NUDCD3: variants seen among roughly 807,000 people sequenced by gnomAD.
The protein encoded by NUDCD3 is NudC domain containing 3, also known as nudC domain-containing protein 3.
In NUDCD3, 13 loss-of-function variants were observed where a neutral mutation model predicts 39.7. That is an observed-to-expected ratio of 0.33 (90% confidence interval 0.21 to 0.52). NUDCD3 has a LOEUF of 0.52. NUDCD3 is among the 20% of genes least tolerant of loss of function. The pLI, the probability that NUDCD3 is intolerant of heterozygous loss-of-function variation, is 0.96. For missense variants in NUDCD3, 453 were observed against 458.1 expected (o/e 0.99, Z 0.10); for synonymous variants, 175 against 172.4 (o/e 1.02, Z -0.12).
At chr7:44,442,841 G>A (rs1405912272) in intron 2 of NUDCD3, among the ~76,000 whole-genome samples, 3 of 151,804 alleles carry the variant, frequency 2.0e-5, no homozygotes, top group Admixed American at 6.6e-5. Context: ...GACTACAGGC[G>A]CCCACCACTG....
intron 2 of NUDCD3, among the ~76,000 whole-genome samples, chr7:44,448,389 G>C (rs1044598444): frequency 6.6e-6 from 1 of 152,198 alleles, no homozygotes; most frequent in Non-Finnish European, 1.5e-5. Flanking sequence ...GACCCAACTA[G>C]AGGCTTTCCA....
rs1304760225 is a variant in NUDCD3, at chr7:44,380,837, CA to C, written c.*5173del. The stretch of plus-strand genomic sequence containing the variant: ...CTTTCCCTGCTAGAGGGGCCTCCTC[CA>C]AACCCCACAGTGCCCCAACAACACT... On this transcript the variant is annotated 3_prime_UTR_variant, in exon 6 of 6. Coordinates refer to ENST00000355451, the MANE Select transcript of NUDCD3 (RefSeq NM_015332.4). 6.6e-6 allele frequency: 1 copy of C among 152,386 alleles called. No individual in the cohort carries two copies. Among genetic ancestry groups the C allele is most frequent in the East Asian group, 1.9e-4 (1 of 5,202 alleles). 9.4% of individuals were successfully genotyped at this position (152,386 alleles called of 1,614,324 possible).
chr7:44,456,387 GC>G (rs1175320265), intron 2 of NUDCD3, among the ~76,000 whole-genome samples: 1 of 152,156 alleles, frequency 6.6e-6, no homozygotes, highest in Non-Finnish European at 1.5e-5. Flanking sequence ...TAAAGGCCGA[GC>G]AAGTACCAGC....
At chr7:44,434,002 C>T (rs1799419159) in intron 2 of NUDCD3, among the ~76,000 whole-genome samples, 2 of 152,156 alleles carry the variant, frequency 1.3e-5, no homozygotes, top group South Asian at 2.1e-4. Context: ...GATGGAAATA[C>T]GGTGAATTTT....
rs1358828694 is a variant in NUDCD3, at chr7:44,385,474, CCACGTGAATG to C, written c.*527_*536del. The stretch of plus-strand genomic sequence containing the variant: ...ATTTATAAGGGGATGAGCAAGAAGA[CCACGTGAATG>C]CTCTCAAAAGAGGTCAAGGGGCAAG... On this transcript the variant is annotated 3_prime_UTR_variant, in exon 6 of 6. Transcript: ENST00000355451. 1.3e-5 allele frequency: 2 copies of C among 153,966 alleles called. No individual in the cohort carries two copies. Among genetic ancestry groups the C allele is most frequent in the Non-Finnish European group, 2.9e-5 (2 of 69,510 alleles). The allele number at this position is 153,966 out of a possible 1,614,324, so 9.5% of individuals were successfully genotyped here. A position where few individuals can be genotyped will look rare whatever the true frequency, so the allele number is the denominator to read the frequency against.
intron 2 of NUDCD3, among the ~76,000 whole-genome samples, chr7:44,462,471 T>C: frequency 6.6e-6 from 1 of 152,214 alleles, no homozygotes; most frequent in Non-Finnish European, 1.5e-5. Flanking sequence ...TGTTCCTAAA[T>C]AGGAAAACAC....
chr7:44,484,922 A>G (rs1800572247), intron 2 of NUDCD3, 46 bp downstream of exon 2: 1 of 1,385,380 alleles, frequency 7.2e-7, no homozygotes, highest in South Asian at 1.3e-5. Flanking sequence ...CCCAAACACC[A>G]GATGTTACGC....
At chr7:44,415,903 G>A (rs1003828458) in intron 3 of NUDCD3, among the ~76,000 whole-genome samples, 5 of 152,156 alleles carry the variant, frequency 3.3e-5, no homozygotes, top group African/African-American at 9.7e-5. Context: ...ACAGGCAACC[G>A]TGACAGGTAG....
chr7:44,466,513 C>G (rs1800121993), intron 2 of NUDCD3, among the ~76,000 whole-genome samples: 1 of 152,208 alleles, frequency 6.6e-6, no homozygotes, highest in African/African-American at 2.4e-5. Context: ...CCACACCAAT[C>G]TGTGAAGTGC....
chr7:44,404,348 G>A, intron 4 of NUDCD3, 92 bp downstream of exon 4: 1 of 1,328,128 alleles, frequency 7.5e-7, no homozygotes, highest in South Asian at 1.3e-5. Flanking sequence ...CAACCTCACT[G>A]CTTAAGTGTA....
intron 2 of NUDCD3, among the ~76,000 whole-genome samples, chr7:44,472,458 T>C (rs1043817338): frequency 6.6e-6 from 1 of 152,302 alleles, no homozygotes; most frequent in South Asian, 2.1e-4. Context: ...GACTCAATAA[T>C]GTAAAGATGT....
intron 3 of NUDCD3, among the ~76,000 whole-genome samples, 162 bp downstream of exon 3, chr7:44,427,409 C>T (rs1374333863): frequency 6.6e-6 from 1 of 152,092 alleles, no homozygotes; most frequent in African/African-American, 2.4e-5. Context: ...ATAAGGGGAG[C>T]AAGGATGGTG....
chr7:44,476,991 T>C (rs1800384426), intron 2 of NUDCD3, among the ~76,000 whole-genome samples: 1 of 151,990 alleles, frequency 6.6e-6, no homozygotes, highest in Non-Finnish European at 1.5e-5. Context: ...AGGACACTAT[T>C]AGGAAACCTG....
At chr7:44,388,881 T>G (rs17711340) in intron 5 of NUDCD3, among the ~76,000 whole-genome samples, 1 of 152,180 alleles carries the variant, frequency 6.6e-6, no homozygotes, top group African/African-American at 2.4e-5. Context: ...TACAGCAGAA[T>G]AGATTTAGAT....
At chr7:44,426,226 G>A (rs1799232458) in intron 3 of NUDCD3, 1 of 906,306 alleles carries the variant, frequency 1.1e-6, no homozygotes, top group Non-Finnish European at 1.3e-6. Flanking sequence ...TGTTGCTGAG[G>A]GGAACAAAGG....
chr7:44,490,393 G>GGCCC lies in NUDCD3; in HGVS notation c.192+12_192+15dup. On this transcript the variant is annotated intron_variant, in intron 1 of 5. Transcript: ENST00000355451. ...GGGGGCGGCGGCTCCCCAGACCGCA[G>GGCCC]GCCCGCCCGCCTCACCTGCAGCACC... 10 of 1,531,748 alleles carry GGCCC rather than the reference G, an allele frequency of 6.5e-6. No homozygotes were observed. Among genetic ancestry groups the GGCCC allele is most frequent in the Non-Finnish European group, 8.8e-6 (10 of 1,140,994 alleles). The allele number at this position is 1,531,748 out of a possible 1,614,324, so 94.9% of individuals were successfully genotyped here. A position where few individuals can be genotyped will look rare whatever the true frequency, so the allele number is the denominator to read the frequency against.
intron 2 of NUDCD3, among the ~76,000 whole-genome samples, chr7:44,431,696 G>A (rs1251290479): frequency 1.5e-5 from 2 of 133,058 alleles, no homozygotes; most frequent in African/African-American, 5.5e-5. Flanking sequence ...TTTTTGAGAC[G>A]GAGTCTCACT....
chr7:44,421,331 T>A (rs866936601), intron 3 of NUDCD3, among the ~76,000 whole-genome samples: 22 of 124,644 alleles, frequency 1.8e-4, no homozygotes, highest in African/African-American at 2.1e-4. Context: ...AGACTCCGTC[T>A]AAAAAAAAAA....
chr7:44,445,656 C>T lies in NUDCD3; in HGVS notation c.510-17953G>A, dbSNP rs184106273. 6.5e-3 allele frequency among the ~76,000 whole-genome samples: 989 copies of T among 152,280 alleles called. 1 individual carries two copies. Among genetic ancestry groups the T allele is most frequent in the Non-Finnish European group, 0.01 (688 of 68,014 alleles). On this transcript the variant is annotated intron_variant, in intron 2 of 5. Coordinates refer to ENST00000355451, the MANE Select transcript of NUDCD3 (RefSeq NM_015332.4). Reference sequence around the variant, plus strand: ...TTGTGTGTGTGCACACAGGTGTGCACAGTGGAAGGTGTATCTAGACAGAAA... The same window carrying T: ...TTGTGTGTGTGCACACAGGTGTGCATAGTGGAAGGTGTATCTAGACAGAAA...
Sources: gnomAD v4.1 joint callset for allele counts (sites outside exome capture counted in the v4.1 genomes callset) on GRCh38, gnomAD v4.1.1 for gene constraint, MANE v1.5 for transcripts, NCBI Gene and HGNC (gene_info 2026-07-23, HGNC 2026-07-21) for gene names.